The following SBNO2 variants were observed in gnomAD, a reference collection of about 807,000 sequenced individuals.
SBNO2 encodes the protein protein strawberry notch homolog 2.
Under a neutral mutation model 146.3 loss-of-function variants are expected in SBNO2, and 89 were observed. That is an observed-to-expected ratio of 0.61 (90% confidence interval 0.51 to 0.73). The LOEUF is 0.73. SBNO2 is among the 30% of genes least tolerant of loss of function. The pLI is 0.00. For synonymous variants in SBNO2, 1,147 were observed against 892.6 expected, an observed-to-expected ratio of 1.29 and a Z score of -5.08; for missense variants, 2,092 against 2,003.7, an observed-to-expected ratio of 1.04 and a Z score of -0.84.
intron 4 of SBNO2, among the ~76,000 whole-genome samples, chr19:1,132,492 G>A (rs1390361888): frequency 6.6e-6 from 1 of 152,218 alleles, no homozygotes; most frequent in Non-Finnish European, 1.5e-5. Context: ...AGAATGCCCA[G>A]GTGGGCATGG....
chr19:1,156,417 G>A (rs1284471316), intron 1 of SBNO2, among the ~76,000 whole-genome samples: 1 of 152,138 alleles, frequency 6.6e-6, no homozygotes, highest in African/African-American at 2.4e-5. Context: ...AAGAGTCAGG[G>A]CCCAAAACCA....
rs1342452170 is a variant in SBNO2, at chr19:1,144,892, AGAGACAGAGGCGGAGATG to A, written c.279+2399_279+2416del. ...CAGACAGAGACAGAGAGGGAGACAGAGAGACAGAGGCGGAGATGGAGACAGAGACAGAGAGACAGAGAC... is the reference window on the plus strand; with the variant it reads ...CAGACAGAGACAGAGAGGGAGACAGAGAGACAGAGACAGAGAGACAGAGAC... On this transcript the variant is annotated intron_variant, in intron 4 of 31. Coordinates refer to ENST00000361757, the MANE Select transcript of SBNO2 (RefSeq NM_014963.3). This position sits in a 1 kb window ranked among gnomAD's most constrained non-coding sequence, Gnocchi z 4.1. Among the ~76,000 whole-genome samples, 17 of 145,338 alleles carry A rather than the reference AGAGACAGAGGCGGAGATG, an allele frequency of 1.2e-4. No individual in the cohort carries two copies. Among genetic ancestry groups the A allele is most frequent in the South Asian group, 6.5e-4 (3 of 4,586 alleles).
chr19:1,157,490 G>A lies in SBNO2; in HGVS notation c.-126-3088C>T, dbSNP rs2080302957. Among the ~76,000 whole-genome samples the A allele has an allele frequency of 6.6e-6, 1 of 152,114 alleles. No individual in the cohort carries two copies. The highest frequency in any genetic ancestry group is 2.1e-4 in the South Asian group (1 of 4,834). On this transcript the variant is annotated intron_variant, in intron 1 of 31. Transcript: ENST00000361757. This position sits in a 1 kb window ranked among gnomAD's most constrained non-coding sequence, Gnocchi z 6.8. Reference sequence around the variant, plus strand: ...GAGCCACGGGCCAGCCAAACGTCCAGCGGGCAGCAGAGCGTGTCCCCTGCC... The same window carrying A: ...GAGCCACGGGCCAGCCAAACGTCCAACGGGCAGCAGAGCGTGTCCCCTGCC...
intron 1 of SBNO2, among the ~76,000 whole-genome samples, chr19:1,164,669 CAGGAGGAGG>C (rs1269073805): frequency 0.067 from 579 of 8,634 alleles, 95 homozygotes; most frequent in Middle Eastern, 0.25. Flanking sequence ...GGAGGAGGAA[CAGGAGGAGG>C]AGGAGGAGGA....
In SBNO2 at chr19:1,112,928, C is replaced by G; in HGVS notation, c.2269G>C (p.Val757Leu). 2 of 1,564,746 alleles carry G rather than the reference C, an allele frequency of 1.3e-6. No homozygotes were observed. Among genetic ancestry groups the G allele is most frequent in the Non-Finnish European group, 1.7e-6 (2 of 1,156,200 alleles). ...ACCGTCCCGTCGGGCCTGGACACCACGCGGCCTTTCCTGCCGGTCATCTGC... is the reference window on the plus strand; with the variant it reads ...ACCGTCCCGTCGGGCCTGGACACCAGGCGGCCTTTCCTGCCGGTCATCTGC... ...VAEMTGRKGR[V>L]VSRPDGTVAF... is the part of the protein sequence containing the mutation. Residue 757 changes from valine to leucine, a missense_variant, in exon 20 of 32, where the codon GTG becomes CTG. Coordinates refer to ENST00000361757, the MANE Select transcript of SBNO2 (RefSeq NM_014963.3). The surrounding 1 kb of genome is among the most constrained non-coding windows in gnomAD (Gnocchi z 5.9).
intron 24 of SBNO2, 110 bp downstream of exon 24, chr19:1,111,396 G>A (rs569981925): frequency 1.5e-5 from 12 of 792,926 alleles, no homozygotes; most frequent in Non-Finnish European, 2.1e-5. Context: ...TGTGGGGAGG[G>A]GTCACTCAAC....
chr19:1,128,488 G>A (rs912137299), intron 4 of SBNO2, among the ~76,000 whole-genome samples: 3 of 151,882 alleles, frequency 2.0e-5, no homozygotes, highest in African/African-American at 2.4e-5. Context: ...TGCCTCCCAG[G>A]TGCAAGCGAT....
At chr19:1,114,943 T>C (rs2079813748) in intron 17 of SBNO2, among the ~76,000 whole-genome samples, 1 of 151,812 alleles carries the variant, frequency 6.6e-6, no homozygotes, top group African/African-American at 2.4e-5. Context: ...TATTTATTTA[T>C]TTTTGAGATG....
chr19:1,133,219 C>T (rs1347039397), intron 4 of SBNO2, among the ~76,000 whole-genome samples: 1 of 150,864 alleles, frequency 6.6e-6, no homozygotes, highest in African/African-American at 2.5e-5. Context: ...CCGCATTGCC[C>T]ACGAGACCGC....
chr19:1,141,387 G>C (rs2080135858), intron 4 of SBNO2, among the ~76,000 whole-genome samples: 1 of 152,096 alleles, frequency 6.6e-6, no homozygotes, highest in South Asian at 2.1e-4. Flanking sequence ...GCTAATTTTT[G>C]TATTTGTAGT....
At chr19:1,141,627 GACAA>G (rs2080138091) in intron 4 of SBNO2, among the ~76,000 whole-genome samples, 1 of 151,818 alleles carries the variant, frequency 6.6e-6, no homozygotes, top group South Asian at 2.1e-4. Context: ...GTCCATCACG[GACAA>G]ACACAGTGGG....
chr19:1,172,113 T>A (rs1047644517), intron 1 of SBNO2, among the ~76,000 whole-genome samples: 2 of 152,176 alleles, frequency 1.3e-5, no homozygotes, highest in African/African-American at 2.4e-5. Flanking sequence ...GGCAGATGTC[T>A]GCCGGGATCC....
rs5826725 is a variant in SBNO2 at position 1,147,432 on chromosome 19, T to TG, written c.168-13dup. On this transcript the variant is annotated splice_polypyrimidine_tract_variant and intron_variant, in intron 3 of 31. Transcript: ENST00000361757. ...AGCTCATGAACGGGCTGGAGGGAGA[T>TG]GGGGGGGGGGGAGGTGAGATGGGGT... 1,215 of 661,764 alleles carry TG rather than the reference T, an allele frequency of 1.8e-3. 7 individuals are homozygous for TG. Among genetic ancestry groups the TG allele is most frequent in the African/African-American group, 0.011 (415 of 38,784 alleles). 41.0% of individuals were successfully genotyped at this position (661,764 alleles called of 1,614,324 possible).
Position 1,116,027 on chromosome 19 carries a change from G to A in SBNO2, c.1879C>T (p.Arg627Trp), listed in dbSNP as rs574165462. 5.0e-6 allele frequency: 8 copies of A among 1,609,446 alleles called. No homozygotes were observed. The highest frequency in any genetic ancestry group is 6.8e-6 in the Non-Finnish European group (8 of 1,178,998). ...RKRDRGAGSKRKRRPRGRGAK... is the reference protein window; with the variant it reads ...RKRDRGAGSKWKRRPRGRGAK... The stretch of plus-strand genomic sequence containing the variant: ...CATGGGGGGCAGGGCTTACGTTTCC[G>A]CTTGCTGCCCGCTCCTCTGTCCCGC... Residue 627 changes from arginine (R) to tryptophan (W), a missense_variant, in exon 17 of 32, where the codon CGG (arginine) becomes TGG (tryptophan). By Grantham distance (101) the Arg-to-Trp change is moderately radical (BLOSUM62 -3). Transcript: ENST00000361757.
At chr19:1,164,523 A>G (rs866230489) in intron 1 of SBNO2, among the ~76,000 whole-genome samples, 241 of 30,622 alleles carry the variant, frequency 7.9e-3, no homozygotes, top group Admixed American at 8.6e-3. Flanking sequence ...AGGAGGAGGA[A>G]CAGGAGGAGG....
At chr19:1,129,451 A>G (rs1288345284) in intron 4 of SBNO2, among the ~76,000 whole-genome samples, 1 of 151,980 alleles carries the variant, frequency 6.6e-6, no homozygotes, top group East Asian at 1.9e-4. Context: ...GACCCCCGGG[A>G]CAGAGGTGTC....
chr19:1,125,929 G>A (rs1052907524), intron 5 of SBNO2, among the ~76,000 whole-genome samples: 1 of 152,128 alleles, frequency 6.6e-6, no homozygotes, highest in African/African-American at 2.4e-5. Context: ...AGAAGGTCGA[G>A]GCTGAAATGG....
intron 4 of SBNO2, among the ~76,000 whole-genome samples, chr19:1,130,366 G>T (rs1320721718): frequency 6.6e-6 from 1 of 152,082 alleles, no homozygotes; most frequent in African/African-American, 2.4e-5. Flanking sequence ...GGGCAGGGGG[G>T]AGCTCACGTC....
intron 5 of SBNO2, among the ~76,000 whole-genome samples, chr19:1,124,477 G>C (rs1463690295): frequency 1.3e-5 from 2 of 152,200 alleles, no homozygotes; most frequent in Non-Finnish European, 2.9e-5. Flanking sequence ...TCCCTGTCGA[G>C]GGGGAAGAGG....
Sources: gnomAD v4.1 joint callset for allele counts (sites outside exome capture counted in the v4.1 genomes callset) on GRCh38, gnomAD v4.1.1 for gene constraint, Gnocchi (gnomAD v3.1) non-coding constraint, MANE v1.5 for transcripts, NCBI Gene and HGNC (gene_info 2026-07-23, HGNC 2026-07-21) for gene names.